Variants in MYO10 observed in about 807,000 individuals in gnomAD.
MYO10 encodes the protein myosin X.
In MYO10, 133 loss-of-function variants were observed where a neutral mutation model predicts 257.3. The ratio of observed to expected loss-of-function variants is 0.52; its 90% CI spans 0.45 to 0.60. MYO10 has a LOEUF of 0.60. MYO10 is among the 20% of genes least tolerant of loss of function. The pLI is 0.00. For missense variants in MYO10, 2,399 were observed against 2,635.7 expected, an observed-to-expected ratio of 0.91 and a Z score of 1.97; for synonymous variants, 1,104 against 1,028.6, an observed-to-expected ratio of 1.07 and a Z score of -1.40.
chr5:16,706,944 C>T (rs1738373033), intron 21 of MYO10, among the ~76,000 whole-genome samples: 1 of 152,126 alleles, frequency 6.6e-6, no homozygotes, highest in African/African-American at 2.4e-5. Context: ...GCTGTGTCCC[C>T]ACTCAAATCT....
intron 10 of MYO10, 44 bp downstream of exon 10, chr5:16,769,030 C>A: frequency 2.6e-6 from 4 of 1,551,296 alleles, no homozygotes; most frequent in South Asian, 1.2e-5. Flanking sequence ...AAGTTTCCCA[C>A]GGGGAACAAA....
intron 1 of MYO10, among the ~76,000 whole-genome samples, chr5:16,896,535 G>A (rs1050159972): frequency 5.3e-5 from 8 of 152,180 alleles, no homozygotes; most frequent in African/African-American, 1.9e-4. Context: ...AGAGGCTGCA[G>A]TGAGCCGAGA....
chr5:16,690,066 T>G lies in MYO10; in HGVS notation c.3801-147A>C, dbSNP rs892863364. ...ACAGTTGGCTCTCCATATCTGCGAG[T>G]TCAGGATTTGTGGGTTCTGCACCTG... is the stretch of plus-strand genomic sequence containing the variant. On this transcript the variant is annotated intron_variant, in intron 27 of 40. Coordinates refer to ENST00000513610, the MANE Select transcript of MYO10 (RefSeq NM_012334.3). The G allele has an allele frequency of 4.7e-5, 30 of 640,696 alleles. No individual in the cohort carries two copies. In the African/African-American group the frequency reaches 4.7e-4, roughly 10 times the overall value. 39.7% of individuals were successfully genotyped at this position (640,696 alleles called of 1,614,324 possible). A position where few individuals can be genotyped will look rare whatever the true frequency, so the allele number is the denominator to read the frequency against.
chr5:16,682,134 G>C, intron 30 of MYO10, 121 bp from the exon 31 acceptor site: 1 of 1,156,438 alleles, frequency 8.6e-7, no homozygotes, highest in Non-Finnish European at 1.2e-6. Flanking sequence ...ACACTGCTAG[G>C]CTATCTGTGC....
chr5:16,918,798 G>A (rs562903618), intron 1 of MYO10, among the ~76,000 whole-genome samples: 29 of 152,174 alleles, frequency 1.9e-4, no homozygotes, highest in Admixed American at 1.2e-3. Flanking sequence ...ACCGCGCCTG[G>A]CCCACTGAAA....
At chr5:16,764,118 G>T in intron 12 of MYO10, 132 bp downstream of exon 12, 2 of 1,059,352 alleles carry the variant, frequency 1.9e-6, no homozygotes, top group Non-Finnish European at 2.7e-6. Context: ...CTGCACTCCA[G>T]CCTGGGATAC....
At chr5:16,666,965 G>C (rs990143812) in intron 40 of MYO10, among the ~76,000 whole-genome samples, 172 bp from the exon 41 acceptor site, 1 of 152,314 alleles carries the variant, frequency 6.6e-6, no homozygotes, top group Middle Eastern at 3.4e-3. Context: ...TCCTCATCAG[G>C]GAAAGGTGGA....
At chr5:16,902,481 G>C (rs1745409070) in intron 1 of MYO10, 3 of 1,524,578 alleles carry the variant, frequency 2.0e-6, no homozygotes, top group South Asian at 1.1e-5. Flanking sequence ...GCTCGCTTCA[G>C]ACATGTCCCT....
chr5:16,770,204 T>C (rs1045968925), intron 9 of MYO10, among the ~76,000 whole-genome samples: 8 of 152,100 alleles, frequency 5.3e-5, no homozygotes, highest in African/African-American at 9.7e-5. Flanking sequence ...TACTCCAGCC[T>C]GGGAGCCTGG....
At chr5:16,885,232 A>G (rs1384192958) in intron 1 of MYO10, among the ~76,000 whole-genome samples, 1 of 150,606 alleles carries the variant, frequency 6.6e-6, no homozygotes, top group African/African-American at 2.5e-5. Flanking sequence ...TTTAATGCAG[A>G]TTATTGGAAC....
At chr5:16,848,296 T>C (rs1239276519) in intron 2 of MYO10, among the ~76,000 whole-genome samples, 1 of 151,812 alleles carries the variant, frequency 6.6e-6, no homozygotes, top group Non-Finnish European at 1.5e-5. Flanking sequence ...GTAGCTGAGA[T>C]TACAGACATG....
intron 21 of MYO10, among the ~76,000 whole-genome samples, chr5:16,707,339 C>T (rs1738392106): frequency 6.6e-6 from 1 of 152,162 alleles, no homozygotes; most frequent in Non-Finnish European, 1.5e-5. Context: ...AGGACTCAGC[C>T]AAGACCAAGT....
Position 16,670,934 on chromosome 5 carries a change from T to A in MYO10, c.5475A>T (p.Glu1825Asp), listed in dbSNP as rs979398150. 3.1e-6 allele frequency: 5 copies of A among 1,613,492 alleles called. No individual in the cohort carries two copies. Among genetic ancestry groups the A allele is most frequent in the Non-Finnish European group, 4.2e-6 (5 of 1,179,482 alleles). Residue 1825 changes from glutamate to aspartate, a missense_variant, in exon 39 of 41, where the codon GAA becomes GAT. Glu to Asp is a conservative substitution (Grantham distance 45). Around this residue, in one of 3 missense-constraint regions of MYO10, gnomAD observed 1,820 missense variants for 1,939.4 expected, o/e 0.94. Coordinates refer to ENST00000513610, the MANE Select transcript of MYO10 (RefSeq NM_012334.3). ...GCAGGGCAGCAAGAACCTGGAGGTT[T>A]TCTTCCGGGGCTGGATGGTGGCCAT... ...VIHGHHPAPE[E>D]NLQVLAALRL...
chr5:16,819,460 C>T (rs1043754151), intron 2 of MYO10, among the ~76,000 whole-genome samples: 8 of 152,130 alleles, frequency 5.3e-5, no homozygotes, highest in Admixed American at 4.6e-4. Context: ...CATTTGATTG[C>T]GGAGTTCCAC....
chr5:16,766,251 C>T (rs2126654138), intron 10 of MYO10, 53 bp from the exon 11 acceptor site: 1 of 1,395,692 alleles, frequency 7.2e-7, no homozygotes, highest in Non-Finnish European at 1.0e-6. Context: ...AGAAGCTAAC[C>T]AGGCTTAGCG....
Position 16,663,637 on chromosome 5 carries a change from T to G in MYO10, c.*3055A>C, listed in dbSNP as rs546403256. 1.3e-5 allele frequency: 2 copies of G among 151,912 alleles called. No homozygotes were observed. The highest frequency in any genetic ancestry group is 1.3e-4 in the Admixed American group (2 of 15,232). 9.4% of individuals were successfully genotyped at this position (151,912 alleles called of 1,614,324 possible). A position where few individuals can be genotyped will look rare whatever the true frequency, so the allele number is the denominator to read the frequency against. ...TGGAGGACTGCTTGAGCCCAGGAGG[T>G]TGAGGCTGCAATGAGCTGTGACTGT... On this transcript the variant is annotated 3_prime_UTR_variant, in exon 41 of 41. Transcript: ENST00000513610.
intron 2 of MYO10, among the ~76,000 whole-genome samples, chr5:16,869,563 T>C (rs938796668): frequency 1.3e-5 from 2 of 151,900 alleles, no homozygotes; most frequent in African/African-American, 4.8e-5. Flanking sequence ...AGCAAGACCC[T>C]GTCGCTAAAA....
intron 4 of MYO10, among the ~76,000 whole-genome samples, chr5:16,787,873 C>T (rs1475913488): frequency 6.6e-6 from 1 of 152,160 alleles, no homozygotes; most frequent in Non-Finnish European, 1.5e-5. Flanking sequence ...TCTTGGCTCA[C>T]TGCAACCACC....
intron 1 of MYO10, among the ~76,000 whole-genome samples, chr5:16,910,057 A>G (rs1745619990): frequency 6.6e-6 from 1 of 152,124 alleles, no homozygotes; most frequent in Non-Finnish European, 1.5e-5. Context: ...TCTTTTTCTT[A>G]TAAATTACTC....
Sources: gnomAD v4.1 joint callset for allele counts (sites outside exome capture counted in the v4.1 genomes callset) on GRCh38, gnomAD v4.1.1 for gene constraint, gnomAD v4.1.1 regional missense constraint, MANE v1.5 for transcripts, NCBI Gene and HGNC (gene_info 2026-07-23, HGNC 2026-07-21) for gene names.